Variants in ZEB1 observed in about 807,000 individuals in gnomAD.
ZEB1 encodes the protein zinc finger E-box-binding homeobox 1.
In ZEB1, 21 loss-of-function variants were observed where a neutral mutation model predicts 84.9. The observed-to-expected ratio is 0.25, with a 90% CI of 0.18 to 0.36. The LOEUF (loss-of-function observed/expected upper bound fraction) is 0.36. ZEB1 is among the 10% of genes least tolerant of loss of function. The pLI, the probability that ZEB1 is intolerant of heterozygous loss-of-function variation, is 1.00. For synonymous variants in ZEB1, 420 were observed against 471.1 expected, an observed-to-expected ratio of 0.89 and a Z score of 1.41; for missense variants, 1,104 against 1,330.2, an observed-to-expected ratio of 0.83 and a Z score of 2.65.
At chr10:31,419,926 G>A (rs887326015) in intron 1 of ZEB1, among the ~76,000 whole-genome samples, 3 of 152,080 alleles carry the variant, frequency 2.0e-5, no homozygotes, top group Non-Finnish European at 4.4e-5. Flanking sequence ...TCATACCTCC[G>A]AAGTAGTATG....
At chr10:31,508,462 C>T (rs766066244) in intron 4 of ZEB1, among the ~76,000 whole-genome samples, 6 of 152,078 alleles carry the variant, frequency 3.9e-5, no homozygotes, top group East Asian at 3.9e-4. Flanking sequence ...CCAGGCCTAC[C>T]GGTGGTGCAT....
At chr10:31,349,774 T>C (rs1287348867) in intron 1 of ZEB1, among the ~76,000 whole-genome samples, 1 of 152,212 alleles carries the variant, frequency 6.6e-6, no homozygotes, top group African/African-American at 2.4e-5. Context: ...TTTATTTTCT[T>C]GCTATTTAGT....
intron 1 of ZEB1, among the ~76,000 whole-genome samples, chr10:31,370,591 A>G (rs1398507193): frequency 6.6e-6 from 1 of 152,238 alleles, no homozygotes; most frequent in Non-Finnish European, 1.5e-5. Flanking sequence ...TAATCATACA[A>G]CTTTCTTTCC....
intron 1 of ZEB1, among the ~76,000 whole-genome samples, chr10:31,380,189 C>A (rs1006434756): frequency 1.3e-5 from 2 of 152,050 alleles, no homozygotes; most frequent in African/African-American, 4.8e-5. Context: ...CTCCTTCCCT[C>A]CCCTTTTCCC....
intron 2 of ZEB1, among the ~76,000 whole-genome samples, chr10:31,465,200 A>G (rs1036785701): frequency 6.6e-6 from 1 of 152,140 alleles, no homozygotes; most frequent in East Asian, 1.9e-4. Flanking sequence ...ATATAAAAAT[A>G]AAAAACAAGG....
At chr10:31,501,793 AATATGCTT>A (rs1243967735) in intron 3 of ZEB1, among the ~76,000 whole-genome samples, 1 of 152,152 alleles carries the variant, frequency 6.6e-6, no homozygotes, top group Non-Finnish European at 1.5e-5. Context: ...CGGTTATAAC[AATATGCTT>A]TAATAAATTT....
intron 1 of ZEB1, among the ~76,000 whole-genome samples, chr10:31,427,084 T>A (rs1203519962): frequency 1.3e-5 from 2 of 148,376 alleles, no homozygotes; most frequent in East Asian, 2.0e-4. Flanking sequence ...AAAATATGTT[T>A]AAAAAAAAAA....
chr10:31,461,230 G>A lies in ZEB1; in HGVS notation c.252G>A (p.Glu84=). The A allele has an allele frequency of 6.2e-7, 1 of 1,612,160 alleles. No individual in the cohort carries two copies. Among genetic ancestry groups the A allele is most frequent in the Non-Finnish European group, 8.5e-7 (1 of 1,179,022 alleles). ...AAGGGAATGCTAAGAACTGCTGGGA[G>A]GATGACAGTAAGTCTGATTTTTTTT... The part of the protein sequence containing the change: ...EREGNAKNCW[E]DDTGKEGQEI... Residue 84 remains glutamate, a synonymous_variant, in exon 2 of 9, where the codon GAG becomes GAA. Transcript: ENST00000424869.
intron 2 of ZEB1, among the ~76,000 whole-genome samples, chr10:31,466,092 A>G (rs758452976): frequency 1.3e-5 from 2 of 152,236 alleles, no homozygotes; most frequent in African/African-American, 4.8e-5. Context: ...AATTCTAAAT[A>G]TATTTGCCAC....
upstream of ZEB1, chr10:31,319,176 G>A (rs1325500900): frequency 8.9e-6 from 10 of 1,128,466 alleles, no homozygotes; most frequent in East Asian, 2.0e-4. Context: ...AGGGGTGGGG[G>A]GGAAGGGGGA....
At chr10:31,470,524 A>G (rs1480175104) in intron 2 of ZEB1, among the ~76,000 whole-genome samples, 1 of 148,426 alleles carries the variant, frequency 6.7e-6, no homozygotes, top group Non-Finnish European at 1.5e-5. Flanking sequence ...AAAAGAATAA[A>G]AAGAAATGAG....
At chr10:31,372,688 A>G (rs1320215778) in intron 1 of ZEB1, among the ~76,000 whole-genome samples, 3 of 152,060 alleles carry the variant, frequency 2.0e-5, no homozygotes, top group Admixed American at 6.6e-5. Flanking sequence ...CATTACAGTT[A>G]GCTTTTAGGT....
At chr10:31,409,609 C>T (rs1450402137) in intron 1 of ZEB1, among the ~76,000 whole-genome samples, 4 of 152,078 alleles carry the variant, frequency 2.6e-5, no homozygotes, top group African/African-American at 9.7e-5. Flanking sequence ...GGCAGTATGG[C>T]CATTTTCACG....
intron 2 of ZEB1, among the ~76,000 whole-genome samples, chr10:31,467,737 C>G (rs1489719949): frequency 6.6e-6 from 1 of 152,158 alleles, no homozygotes; most frequent in Non-Finnish European, 1.5e-5. Flanking sequence ...GAGGAACCCC[C>G]ACTGTCAGAA....
chr10:31,457,084 C>T (rs2061326259), intron 1 of ZEB1, among the ~76,000 whole-genome samples: 1 of 152,206 alleles, frequency 6.6e-6, no homozygotes, highest in African/African-American at 2.4e-5. Context: ...ATATTTTTTA[C>T]CCTTGCTTTC....
At chr10:31,422,710 G>A (rs1244207255) in intron 1 of ZEB1, among the ~76,000 whole-genome samples, 2 of 151,936 alleles carry the variant, frequency 1.3e-5, no homozygotes, top group Non-Finnish European at 2.9e-5. Flanking sequence ...ACATGTGTAG[G>A]TTTGCTATGT....
At chr10:31,327,099 C>CTTT (rs71527629) in intron 1 of ZEB1, among the ~76,000 whole-genome samples, 200 of 84,794 alleles carry the variant, frequency 2.4e-3, no homozygotes, top group East Asian at 7.9e-3. Flanking sequence ...CTTTTCTTTT[C>CTTT]TTTTTTTTTT....
intron 1 of ZEB1, among the ~76,000 whole-genome samples, chr10:31,443,781 A>G (rs2059371893): frequency 6.7e-6 from 1 of 149,210 alleles, no homozygotes. Flanking sequence ...CATGGTGTAT[A>G]TGTGCCACCT....
At chr10:31,454,532 C>T (rs1243057897) in intron 1 of ZEB1, among the ~76,000 whole-genome samples, 2 of 152,142 alleles carry the variant, frequency 1.3e-5, no homozygotes, top group Non-Finnish European at 2.9e-5. Context: ...TTTGTCTCAG[C>T]CCCAAATCTC....
Sources: gnomAD v4.1 joint callset for allele counts (sites outside exome capture counted in the v4.1 genomes callset) on GRCh38, gnomAD v4.1.1 for gene constraint, MANE v1.5 for transcripts, NCBI Gene and HGNC (gene_info 2026-07-23, HGNC 2026-07-21) for gene names.